The following ACTN2 variants were observed in gnomAD, a reference collection of about 807,000 sequenced individuals.
ACTN2 encodes alpha-actinin-2.
Under a neutral mutation model 113.8 loss-of-function variants are expected in ACTN2, and 39 were observed. That is an observed-to-expected ratio of 0.34 (90% confidence interval 0.27 to 0.45). The LOEUF is 0.45. ACTN2 is among the 20% of genes least tolerant of loss of function. The pLI is 1.00. For missense variants in ACTN2, 992 were observed against 1,177.9 expected, an observed-to-expected ratio of 0.84 and a Z score of 2.31; for synonymous variants, 429 against 444.1, an observed-to-expected ratio of 0.97 and a Z score of 0.43.
At chr1:236,744,909 C>T in intron 12 of ACTN2, 133 bp downstream of exon 12, 1 of 1,181,898 alleles carries the variant, frequency 8.5e-7, no homozygotes, top group Non-Finnish European at 1.2e-6. Flanking sequence ...AGGGATTCTC[C>T]TTGTTTCTTT....
intron 2 of ACTN2, 88 bp from the exon 3 acceptor site, chr1:236,718,806 A>C (rs1658296475): frequency 6.3e-7 from 1 of 1,589,766 alleles, no homozygotes. Context: ...CTTTTTAAGG[A>C]AAAGATGGAT....
At chr1:236,701,412 A>C (rs938950045) in intron 1 of ACTN2, among the ~76,000 whole-genome samples, 1 of 152,152 alleles carries the variant, frequency 6.6e-6, no homozygotes, top group Admixed American at 6.5e-5. Flanking sequence ...GTAATTCTGA[A>C]TCTTTTAATT....
At position 236,754,288 on chromosome 1, in the gene ACTN2, G is replaced by A. The variant is rs144456020; in HGVS notation, c.1974+207G>A. On this transcript the variant is annotated intron_variant, in intron 16 of 20. Transcript: ENST00000366578. The surrounding 1 kb of genome is among the most constrained non-coding windows in gnomAD (Gnocchi z 4.9). ...AGAGCACAATATGGAATGCAGGAAGGCGGCACTCAAGGAAGGGGAGGGGGG... is the reference window on the plus strand; with the variant it reads ...AGAGCACAATATGGAATGCAGGAAGACGGCACTCAAGGAAGGGGAGGGGGG... 2.7e-4 allele frequency among the ~76,000 whole-genome samples: 41 copies of A among 152,330 alleles called. No individual in the cohort carries two copies. The highest frequency in any genetic ancestry group is 9.6e-4 in the African/African-American group (40 of 41,580).
intron 6 of ACTN2, among the ~76,000 whole-genome samples, chr1:236,730,269 C>T (rs923828932): frequency 1.8e-5 from 2 of 110,688 alleles, no homozygotes; most frequent in African/African-American, 6.1e-5. Context: ...TTTAGTTAAA[C>T]ACTTTTTTTT....
intron 1 of ACTN2, among the ~76,000 whole-genome samples, chr1:236,713,657 C>T (rs1471561694): frequency 6.8e-6 from 1 of 148,084 alleles, no homozygotes; most frequent in African/African-American, 2.5e-5. Flanking sequence ...AGCTTCATTC[C>T]TCACTGTGTG....
At chr1:236,704,461 A>G (rs920612198) in intron 1 of ACTN2, among the ~76,000 whole-genome samples, 1 of 152,208 alleles carries the variant, frequency 6.6e-6, no homozygotes, top group Non-Finnish European at 1.5e-5. Context: ...TTGAGGGCTC[A>G]GTCCCTCAAG....
intron 7 of ACTN2, chr1:236,734,506 T>C: frequency 6.5e-7 from 1 of 1,534,992 alleles, no homozygotes; most frequent in East Asian, 2.4e-5. Context: ...ATGCTTTTGC[T>C]GGTGCACAGA....
chr1:236,719,061 G>C, intron 3 of ACTN2, 48 bp downstream of exon 3: 1 of 1,611,234 alleles, frequency 6.2e-7, no homozygotes, highest in Non-Finnish European at 8.5e-7. Context: ...ACCTAATAGC[G>C]TAGGTGTGGG....
At chr1:236,710,253 A>G (rs1425988250) in intron 1 of ACTN2, among the ~76,000 whole-genome samples, 1 of 152,240 alleles carries the variant, frequency 6.6e-6, no homozygotes, top group Non-Finnish European at 1.5e-5. Context: ...ACCTTAGGGA[A>G]TGTAGGTTGA....
chr1:236,727,528 G>T, intron 5 of ACTN2, 150 bp from the exon 6 acceptor site: 2 of 757,802 alleles, frequency 2.6e-6, no homozygotes, highest in South Asian at 1.5e-5. Flanking sequence ...GAGTGTTCAA[G>T]CTCACCGGGC....
At chr1:236,708,416 C>CA (rs1657898126) in intron 1 of ACTN2, among the ~76,000 whole-genome samples, 1 of 152,146 alleles carries the variant, frequency 6.6e-6, no homozygotes, top group African/African-American at 2.4e-5. Flanking sequence ...TACTTGGCAA[C>CA]ATTGAAGATT....
chr1:236,731,093 A>T (rs1227919061), intron 6 of ACTN2, 140 bp from the exon 7 acceptor site: 1 of 643,702 alleles, frequency 1.6e-6, no homozygotes, highest in Non-Finnish European at 2.8e-6. Flanking sequence ...TTGGGAAAAG[A>T]TGAAAAGGAA....
chr1:236,695,089 G>A (rs1229054538), intron 1 of ACTN2, among the ~76,000 whole-genome samples: 1 of 151,802 alleles, frequency 6.6e-6, no homozygotes, highest in African/African-American at 2.4e-5. Flanking sequence ...TGTTCAGGCC[G>A]GGCACAGTGT....
At chr1:236,690,202 A>G (rs1666031468) in intron 1 of ACTN2, among the ~76,000 whole-genome samples, 1 of 152,178 alleles carries the variant, frequency 6.6e-6, no homozygotes, top group Admixed American at 6.5e-5. Context: ...GCCTGGCAGG[A>G]TGCGTGTACA....
chr1:236,715,204 C>T (rs1249759034), intron 1 of ACTN2, among the ~76,000 whole-genome samples: 3 of 149,408 alleles, frequency 2.0e-5, no homozygotes, highest in African/African-American at 4.9e-5. Context: ...ATGTGCACAA[C>T]GTGTAGGTTT....
Position 236,747,720 on chromosome 1 carries a change from G to A in ACTN2, c.1460G>A (p.Cys487Tyr). 1 of 1,614,208 alleles carries A rather than the reference G, an allele frequency of 6.2e-7. No homozygotes were observed. The highest frequency in any genetic ancestry group is 1.1e-5 in the South Asian group (1 of 91,078). Residue 487 changes from cysteine (C) to tyrosine (Y), a missense_variant, in exon 13 of 21, where the codon TGT becomes TAT. Around this residue, in one of 3 missense-constraint regions of ACTN2, gnomAD observed 736 missense variants for 815.4 expected, o/e 0.90. Coordinates refer to ENST00000366578, the MANE Select transcript of ACTN2 (RefSeq NM_001103.4). The part of the protein sequence containing the change: ...VNVNDRCQKI[C>Y]DQWDRLGTLT... ...GTCAATGATCGGTGCCAGAAAATTT[G>A]TGACCAGTGGGACCGACTGGGAACG...
At chr1:236,744,229 A>G (rs1465406704) in intron 11 of ACTN2, among the ~76,000 whole-genome samples, 1 of 152,222 alleles carries the variant, frequency 6.6e-6, no homozygotes, top group Non-Finnish European at 1.5e-5. Context: ...GGACTCATGG[A>G]TAGACAAATG....
In ACTN2 at chr1:236,743,049, T is replaced by G. The variant is rs1572135675; in HGVS notation, c.1255+6T>G. 2.5e-6 allele frequency: 4 copies of G among 1,614,092 alleles called. No homozygotes were observed. Among genetic ancestry groups the G allele is most frequent in the Non-Finnish European group, 3.4e-6 (4 of 1,180,016 alleles). On this transcript the variant is annotated splice_donor_region_variant and intron_variant, in intron 11 of 20. Coordinates refer to ENST00000366578, the MANE Select transcript of ACTN2 (RefSeq NM_001103.4). ...GCACGAGACTTGGGCTTATGGTAAG[T>G]AGACAGGAGTCAGATTGGATTTTTG... is the stretch of plus-strand genomic sequence containing the variant.
chr1:236,737,016 A>G (rs1558239961), intron 8 of ACTN2, 106 bp from the exon 9 acceptor site: 1 of 887,800 alleles, frequency 1.1e-6, no homozygotes. Context: ...TGCACCGTCT[A>G]CAGCACGCCA....
Sources: allele counts gnomAD v4.1 joint callset (sites outside exome capture counted in the v4.1 genomes callset), GRCh38; gene constraint gnomAD v4.1.1; regional missense constraint gnomAD v4.1.1; non-coding constraint Gnocchi (gnomAD v3.1); transcripts MANE v1.5; gene names NCBI Gene and HGNC (gene_info 2026-07-23, HGNC 2026-07-21).